BRPF3: variants seen among roughly 807,000 people sequenced by gnomAD.
BRPF3 encodes bromodomain and PHD finger containing 3.
BRPF3 carries 18 observed loss-of-function variants against 102.0 expected under a neutral mutation model. The observed-to-expected ratio is 0.18, with a 90% CI of 0.12 to 0.26. The LOEUF (loss-of-function observed/expected upper bound fraction) is 0.26. Among genes scored for constraint, BRPF3 ranks in the 10% least tolerant of loss-of-function variants. The probability of loss-of-function intolerance (pLI) is 1.00; values close to 1 mark genes in which losing one functional copy is unlikely to be tolerated. For missense variants in BRPF3, 1,147 were observed against 1,567.8 expected, an observed-to-expected ratio of 0.73 and a Z score of 4.53; for synonymous variants, 570 against 614.2, an observed-to-expected ratio of 0.93 and a Z score of 1.06.
In BRPF3 at chr6:36,222,207, C is replaced by T. The variant is rs544054948; in HGVS notation, c.3123C>T (p.Ala1041=). 1.3e-6 allele frequency: 2 copies of T among 1,550,594 alleles called. No homozygotes were observed. Among genetic ancestry groups the T allele is most frequent in the African/African-American group, 2.7e-5 (2 of 73,156 alleles). ...TPPKRSRGKP[A]LSRVPFLEGV... is the part of the protein sequence containing the mutation. ...CCAAACGCAGCCGTGGGAAGCCAGC[C>T]CTGTCTCGAGTGCCCTTCCTGGAAG... The change falls in exon 10 of 13, where the codon GCC becomes GCT. Residue 1041 remains alanine (A), a synonymous_variant. Transcript: ENST00000357641.
chr6:36,209,706 A>G (rs1768027539), intron 4 of BRPF3, 81 bp from the exon 5 acceptor site: 2 of 1,531,018 alleles, frequency 1.3e-6, no homozygotes, highest in East Asian at 2.3e-5. Context: ...AAGATTGGTA[A>G]AAGTCAAACT....
Position 36,214,391 on chromosome 6 carries a change from C to T in BRPF3, c.2989+5C>T. On this transcript the variant is annotated splice_donor_5th_base_variant and intron_variant, in intron 8 of 12. Transcript: ENST00000357641. Reference sequence around the variant, plus strand: ...CCCAGCAGGAGGAAGAGACAGGTGACCCTGCCTGTGACTTCTCTTGATACT... The same window carrying T: ...CCCAGCAGGAGGAAGAGACAGGTGATCCTGCCTGTGACTTCTCTTGATACT... The T allele has an allele frequency of 2.6e-6, 4 of 1,554,578 alleles. No individual in the cohort carries two copies. The highest frequency in any genetic ancestry group is 2.6e-6 in the Non-Finnish European group (3 of 1,153,766).
intron 9 of BRPF3, among the ~76,000 whole-genome samples, chr6:36,221,552 T>A (rs1328376331): frequency 6.6e-6 from 1 of 152,166 alleles, no homozygotes; most frequent in Non-Finnish European, 1.5e-5. Flanking sequence ...CCCAAAGTGT[T>A]GGGATTACAG....
intron 1 of BRPF3, among the ~76,000 whole-genome samples, chr6:36,199,039 T>C (rs1189317478): frequency 1.3e-5 from 2 of 152,172 alleles, no homozygotes; most frequent in Non-Finnish European, 2.9e-5. Context: ...TTGGAGCCAC[T>C]CTCAGAGCTT....
Position 36,201,590 on chromosome 6 carries a change from A to C in BRPF3, c.1268A>C (p.Glu423Ala). Residue 423 changes from glutamate (E) to alanine (A), a missense_variant, in exon 2 of 13, where the codon GAG (glutamate) becomes GCG (alanine). Physicochemically the swap from Glu to Ala is moderately radical, Grantham distance 107 (BLOSUM62 -1). Transcript: ENST00000357641. This position sits in a 1 kb window ranked among gnomAD's most constrained non-coding sequence, Gnocchi z 5.1. ...LKEGDGEEEE[E>A]EEVEEEEQEA... is the part of the protein sequence containing the mutation. ...GAGGGTGATGGAGAGGAGGAAGAAG[A>C]GGAAGAGGTGGAGGAAGAAGAGCAG... The C allele has an allele frequency of 6.2e-7, 1 of 1,614,040 alleles. No homozygotes were observed. Among genetic ancestry groups the C allele is most frequent in the African/African-American group, 1.3e-5 (1 of 75,048 alleles).
At position 36,211,207 on chromosome 6, in the gene BRPF3, C is replaced by T. The variant is rs752743605; in HGVS notation, c.2180-51C>T. The T allele has an allele frequency of 9.6e-6, 15 of 1,563,530 alleles. No homozygotes were observed. The Middle Eastern group carries it at 7.4e-4, about 77-fold the overall frequency. On this transcript the variant is annotated intron_variant, in intron 6 of 12. Transcript: ENST00000357641. ...AAGGATTCGGCCCCTTTCTCTTGCC[C>T]TGTGCTGGGCAGGTCCTTCAGCCCC...
chr6:36,202,373 G>A (rs1767737913), intron 2 of BRPF3, among the ~76,000 whole-genome samples: 1 of 151,694 alleles, frequency 6.6e-6, no homozygotes, highest in Non-Finnish European at 1.5e-5. Context: ...AGGGATAAGA[G>A]GATCATTCAG....
chr6:36,228,999 A>G lies in BRPF3; in HGVS notation c.3377A>G (p.Gln1126Arg), dbSNP rs1332795337. 3 of 1,614,128 alleles carry G rather than the reference A, an allele frequency of 1.9e-6. No individual in the cohort carries two copies. The highest frequency in any genetic ancestry group is 1.7e-6 in the Non-Finnish European group (2 of 1,180,050). The change falls in exon 12 of 13, where the codon CAG becomes CGG. Residue 1126 changes from glutamine (Q) to arginine (R), a missense_variant. By Grantham distance (43) the Gln-to-Arg change is conservative (BLOSUM62 1). Around this residue, in one of 11 missense-constraint regions of BRPF3, gnomAD observed 85 missense variants for 172.9 expected, o/e 0.49. Transcript: ENST00000357641. ...GTGCTGAAGCTGGGAGAGCAGAAAC[A>G]GGCAGAGGCTGGAGAGAAGCTCTTC... is the stretch of plus-strand genomic sequence containing the variant. ...LDVLKLGEQK[Q>R]AEAGEKLFLV...
Position 36,201,798 on chromosome 6 carries a change from G to A in BRPF3, c.1448+28G>A. On this transcript the variant is annotated intron_variant, in intron 2 of 12. Coordinates refer to ENST00000357641, the MANE Select transcript of BRPF3 (RefSeq NM_015695.3). This position sits in a 1 kb window ranked among gnomAD's most constrained non-coding sequence, Gnocchi z 5.1. ...AAGCATGCCCAGAAGGGCTCCTTAGGGACTCATGGTTTCTTCTTGGGTTGG... is the reference window on the plus strand; with the variant it reads ...AAGCATGCCCAGAAGGGCTCCTTAGAGACTCATGGTTTCTTCTTGGGTTGG... The A allele has an allele frequency of 6.4e-7, 1 of 1,553,406 alleles. No homozygotes were observed. Among genetic ancestry groups the A allele is most frequent in the Non-Finnish European group, 8.7e-7 (1 of 1,151,474 alleles).
rs576916514 is a variant in BRPF3, at chr6:36,225,481, G to A, written c.3279+117G>A. On this transcript the variant is annotated intron_variant, in intron 11 of 12. Transcript: ENST00000357641. ...TCAGAGTGTCTTTAGCTGTAGAGGG[G>A]AGGGGGGTTTTGCCCCAGCCTGAGT... 71 of 871,274 alleles carry A rather than the reference G, an allele frequency of 8.1e-5. No individual in the cohort carries two copies. In the African/African-American group the frequency reaches 8.5e-4, roughly 10 times the overall value. 54.0% of individuals were successfully genotyped at this position (871,274 alleles called of 1,614,324 possible).
chr6:36,225,951 C>A (rs1364214672), intron 11 of BRPF3, among the ~76,000 whole-genome samples: 1 of 152,192 alleles, frequency 6.6e-6, no homozygotes, highest in Non-Finnish European at 1.5e-5. Context: ...GACCATATTG[C>A]TTTTAGCCTC....
chr6:36,209,814 C>G lies in BRPF3; in HGVS notation c.1765C>G (p.Leu589Val), dbSNP rs755450309. ...CAAAGTCCAGCAGGCTGCCATGGAG[C>G]TGGAGCTGATGCCATTCAATGTTCT... ...QVKVQQAAME[L>V]ELMPFNVLLR... The change falls in exon 5 of 13, where the codon CTG becomes GTG. Residue 589 changes from leucine to valine, a missense_variant. Leu to Val is a conservative substitution (Grantham distance 32). Coordinates refer to ENST00000357641, the MANE Select transcript of BRPF3 (RefSeq NM_015695.3). The G allele has an allele frequency of 1.9e-6, 3 of 1,614,188 alleles. No homozygotes were observed. Among genetic ancestry groups the G allele is most frequent in the South Asian group, 2.2e-5 (2 of 91,080 alleles).
chr6:36,204,833 TGAGGCTGGTAGAGG>T lies in BRPF3; in HGVS notation c.1605+24_1605+37del. On this transcript the variant is annotated intron_variant, in intron 3 of 12. Transcript: ENST00000357641. ...TGAGCAGGTAGGTGCAGTGGTGATT[TGAGGCTGGTAGAGG>T]GAGGTGGAGAGTGAAGGAAAAGGAA... 6.2e-7 allele frequency: 1 copy of T among 1,609,034 alleles called. No homozygotes were observed. Among genetic ancestry groups the T allele is most frequent in the Non-Finnish European group, 8.5e-7 (1 of 1,175,978 alleles).
Position 36,225,336 on chromosome 6 carries a change from G to A in BRPF3, c.3251G>A (p.Cys1084Tyr). The change falls in exon 11 of 13, where the codon TGC becomes TAC. Residue 1084 changes from cysteine to tyrosine, a missense_variant. Cys to Tyr is a radical substitution (Grantham distance 194). Transcript: ENST00000357641. ...CCCTTGGAGCTGGTGTGGGCCAAGT[G>A]CCGAGGCTACCCCTCCTACCCTGCC... The part of the protein sequence containing the change: ...LEPLELVWAK[C>Y]RGYPSYPALI... The A allele has an allele frequency of 6.2e-7, 1 of 1,610,652 alleles. No homozygotes were observed. The highest frequency in any genetic ancestry group is 8.5e-7 in the Non-Finnish European group (1 of 1,180,006).
rs773739746 is a variant in BRPF3 at position 36,211,430 on chromosome 6, G to GCCA, written c.2363_2365dup (p.Pro788dup). 5 of 1,611,640 alleles carry GCCA rather than the reference G, an allele frequency of 3.1e-6. No individual in the cohort carries two copies. Among genetic ancestry groups the GCCA allele is most frequent in the Admixed American group, 1.7e-5 (1 of 59,740 alleles). ...ATGCCCTTCGGCAGAAGCTGGCACA[G>GCCA]CCACCACCACCACAGCCACCATCAC... On this transcript the variant is annotated inframe_insertion, in exon 7 of 13. Transcript: ENST00000357641.
rs1241045693 is a variant in BRPF3 at position 36,217,903 on chromosome 6, T to A, written c.2990-14T>A. 6.2e-7 allele frequency: 1 copy of A among 1,612,124 alleles called. No homozygotes were observed. The highest frequency in any genetic ancestry group is 8.5e-7 in the Non-Finnish European group (1 of 1,178,834). ...GATTTCTGCACTCAGACTCACTGTG[T>A]GTGTCCTTGGCAGGCATGACCAACG... is the stretch of plus-strand genomic sequence containing the variant. On this transcript the variant is annotated splice_polypyrimidine_tract_variant and intron_variant, in intron 8 of 12. Coordinates refer to ENST00000357641, the MANE Select transcript of BRPF3 (RefSeq NM_015695.3).
intron 2 of BRPF3, chr6:36,204,316 A>T: frequency 3.5e-6 from 1 of 289,102 alleles, no homozygotes; most frequent in Non-Finnish European, 6.7e-6. Flanking sequence ...CTGCTTTTAT[A>T]AGAGGAGGCT....
rs550654003 is a variant in BRPF3 at position 36,228,889 on chromosome 6, A to T, written c.3280-13A>T. 2 of 1,613,770 alleles carry T rather than the reference A, an allele frequency of 1.2e-6. No individual in the cohort carries two copies. Among genetic ancestry groups the T allele is most frequent in the South Asian group, 1.1e-5 (1 of 91,072 alleles). ...CTCCCTCACTGAGTGCCCATCTTCT[A>T]TTCTGCCTCCAGATCATCGATCCCA... is the stretch of plus-strand genomic sequence containing the variant. On this transcript the variant is annotated splice_polypyrimidine_tract_variant and intron_variant, in intron 11 of 12. Coordinates refer to ENST00000357641, the MANE Select transcript of BRPF3 (RefSeq NM_015695.3).
intron 1 of BRPF3, among the ~76,000 whole-genome samples, chr6:36,199,497 A>G (rs1767620118): frequency 6.6e-6 from 1 of 152,162 alleles, no homozygotes; most frequent in African/African-American, 2.4e-5. Context: ...GATATTTCAG[A>G]TGCCTTCACC....
Sources: gnomAD v4.1 joint callset for allele counts (sites outside exome capture counted in the v4.1 genomes callset) on GRCh38, gnomAD v4.1.1 for gene constraint, gnomAD v4.1.1 regional missense constraint, Gnocchi (gnomAD v3.1) non-coding constraint, MANE v1.5 for transcripts, NCBI Gene and HGNC (gene_info 2026-07-23, HGNC 2026-07-21) for gene names.